Variants in MYO19 observed in about 807,000 individuals in gnomAD.
MYO19 encodes the protein unconventional myosin-XIX.
Under a neutral mutation model 129.2 loss-of-function variants are expected in MYO19, and 132 were observed. That is an observed-to-expected ratio of 1.02 (90% CI 0.89 to 1.18). The LOEUF is 1.18. Among genes scored for constraint, MYO19 ranks in the 50% most tolerant of loss-of-function variants. The pLI, the probability that MYO19 is intolerant of heterozygous loss-of-function variation, is 0.00. For missense variants in MYO19, 1,210 were observed against 1,216.7 expected (o/e 0.99, Z 0.08); for synonymous variants, 531 against 477.2 (o/e 1.11, Z -1.47).
At position 36,507,409 on chromosome 17, in the gene MYO19, A is replaced by T; in HGVS notation, c.1457T>A (p.Leu486His). 6.2e-7 allele frequency: 1 copy of T among 1,613,378 alleles called. No individual in the cohort carries two copies. The highest frequency in any genetic ancestry group is 8.5e-7 in the Non-Finnish European group (1 of 1,179,770). ...AGCTGACCTCCCCACCTCATTTATG[A>T]GGGAGCAGATGCTGATGGGGCTTCC... ...IEGSPISICS[L>H]INEECRLNRP... Residue 486 changes from leucine to histidine, a missense_variant, in exon 16 of 26, where the codon CTC becomes CAC. Coordinates refer to ENST00000614623, the MANE Select transcript of MYO19 (RefSeq NM_001163735.2).
intron 6 of MYO19, among the ~76,000 whole-genome samples, chr17:36,522,028 TA>T (rs370448301): frequency 1.2e-3 from 134 of 115,294 alleles, no homozygotes; most frequent in Admixed American, 2.3e-3. Flanking sequence ...AGACTGTCTT[TA>T]AAAAAAAAAA....
At chr17:36,538,753 C>A, upstream of MYO19, 1 of 763,584 alleles carries the variant, frequency 1.3e-6, no homozygotes. Flanking sequence ...AGCAGTGATG[C>A]TTAATTATTT....
chr17:36,542,433 C>T (rs1355481875), intron 1 of MYO19, among the ~76,000 whole-genome samples: 2 of 152,154 alleles, frequency 1.3e-5, no homozygotes, highest in African/African-American at 2.4e-5. Flanking sequence ...GGCACGTTGG[C>T]TCACGCCTGT....
At chr17:36,499,293 A>C (rs2071289610) in intron 23 of MYO19, 133 bp from the exon 24 acceptor site, 2 of 594,128 alleles carry the variant, frequency 3.4e-6, no homozygotes, top group Admixed American at 5.9e-5. Context: ...AAATTGCTAC[A>C]AATAAGGTTC....
At position 36,511,420 on chromosome 17, in the gene MYO19, C is replaced by G; in HGVS notation, c.930G>C (p.Gln310His). 1 of 1,570,852 alleles carries G rather than the reference C, an allele frequency of 6.4e-7. No individual in the cohort carries two copies. Among genetic ancestry groups the G allele is most frequent in the Non-Finnish European group, 8.6e-7 (1 of 1,158,260 alleles). ...GGGCTTCATCCTCGGAGGCAGCAAA[C>G]TGGATATTGCCAAGGTGCAGCAGTC... is the stretch of plus-strand genomic sequence containing the variant. ...LAGLLHLGNI[Q>H]FAASEDEAQP... Residue 310 changes from glutamine to histidine, a missense_variant, in exon 12 of 26, where the codon CAG becomes CAC. Physicochemically the swap from Gln to His is conservative, Grantham distance 24. Transcript: ENST00000614623.
chr17:36,498,671 C>G, intron 24 of MYO19, 112 bp from the exon 25 acceptor site: 8 of 1,299,560 alleles, frequency 6.2e-6, no homozygotes, highest in Non-Finnish European at 7.2e-6. Context: ...ACTGAAGGCA[C>G]CTGGTTGCAA....
upstream of MYO19, chr17:36,538,710 AT>A: frequency 3.9e-6 from 4 of 1,036,182 alleles, no homozygotes; most frequent in Middle Eastern, 3.3e-4. Context: ...TGTTAACCAT[AT>A]TTTATTATAA....
chr17:36,538,123 G>A, upstream of MYO19: 1 of 1,614,146 alleles, frequency 6.2e-7, no homozygotes, highest in Non-Finnish European at 8.5e-7. Flanking sequence ...AAAGTAGCCT[G>A]TTTTCTTTTA....
At chr17:36,526,042 C>A (rs76036786) in intron 5 of MYO19, among the ~76,000 whole-genome samples, 1 of 152,108 alleles carries the variant, frequency 6.6e-6, no homozygotes, top group South Asian at 2.1e-4. Flanking sequence ...GCTAACCCAG[C>A]CAGCAGTGAT....
chr17:36,507,600 C>T (rs72818342), intron 15 of MYO19, 88 bp from the exon 16 acceptor site: 74,532 of 1,412,864 alleles, frequency 0.053, 2,588 homozygotes, highest in East Asian at 0.15. Context: ...GGTACCACAG[C>T]GTATTCCAGA....
intron 2 of MYO19, among the ~76,000 whole-genome samples, chr17:36,532,994 C>A (rs548180047): frequency 6.6e-6 from 1 of 152,132 alleles, no homozygotes; most frequent in Non-Finnish European, 1.5e-5. Context: ...GCCCTATCCT[C>A]TACATTAGAC....
intron 13 of MYO19, among the ~76,000 whole-genome samples, 189 bp downstream of exon 13, chr17:36,510,557 C>T (rs1210760353): frequency 1.3e-5 from 2 of 152,222 alleles, no homozygotes; most frequent in Non-Finnish European, 2.9e-5. Flanking sequence ...AGGCCACAGA[C>T]GCTGCTTGGT....
At chr17:36,503,520 T>C (rs921077846) in intron 20 of MYO19, among the ~76,000 whole-genome samples, 1 of 152,196 alleles carries the variant, frequency 6.6e-6, no homozygotes, top group East Asian at 1.9e-4. Context: ...CCCCAAACAA[T>C]TGGACCAGTC....
intron 19 of MYO19, chr17:36,505,057 G>A: frequency 5.5e-6 from 4 of 731,392 alleles, no homozygotes; most frequent in South Asian, 2.7e-5. Context: ...AGGGTACATG[G>A]CTCAAAAAAA....
chr17:36,507,515 A>C lies in MYO19; in HGVS notation c.1354-3T>G, dbSNP rs893217442. On this transcript the variant is annotated splice_polypyrimidine_tract_variant and splice_region_variant and intron_variant, in intron 15 of 25. Coordinates refer to ENST00000614623, the MANE Select transcript of MYO19 (RefSeq NM_001163735.2). ...AGGCCCTCAACTGCGTATTCCTCCTAAAGAACAAGGTGGGATGAGGTGGGA... is the reference window on the plus strand; with the variant it reads ...AGGCCCTCAACTGCGTATTCCTCCTCAAGAACAAGGTGGGATGAGGTGGGA... 3 of 1,612,802 alleles carry C rather than the reference A, an allele frequency of 1.9e-6. No individual in the cohort carries two copies. Among genetic ancestry groups the C allele is most frequent in the Non-Finnish European group, 1.7e-6 (2 of 1,179,608 alleles).
At chr17:36,537,222 A>G (rs368614044), upstream of MYO19, 5 of 1,613,896 alleles carry the variant, frequency 3.1e-6, no homozygotes, top group African/African-American at 4.0e-5. Flanking sequence ...GTTCCTGATC[A>G]TTTTCTCACA....
chr17:36,507,309 G>C (rs2071979807), intron 16 of MYO19, 90 bp downstream of exon 16: 2 of 1,424,552 alleles, frequency 1.4e-6, no homozygotes, highest in South Asian at 1.2e-5. Flanking sequence ...TGGGAGGAGA[G>C]AGGCACAGAG....
chr17:36,524,588 T>C (rs1029355990), intron 6 of MYO19, among the ~76,000 whole-genome samples: 2 of 152,228 alleles, frequency 1.3e-5, no homozygotes, highest in South Asian at 2.1e-4. Flanking sequence ...GAAGGCCACG[T>C]GGCCATACCA....
Position 36,502,735 on chromosome 17 carries a change from C to G in MYO19, c.2080+362G>C, listed in dbSNP as rs531641536. On this transcript the variant is annotated intron_variant, in intron 21 of 25. Transcript: ENST00000614623. ...GCCTCAATGAACCAGCAACACAGAA[C>G]TGGCTGGAGTTCCTCATACCCACAC... The G allele has an allele frequency of 5.2e-4, 127 of 245,126 alleles. 4 individuals carry two copies. In the South Asian group the frequency reaches 8.9e-3, roughly 17 times the overall value. The allele number at this position is 245,126 out of a possible 1,614,324, so 15.2% of individuals were successfully genotyped here. A position where few individuals can be genotyped will look rare whatever the true frequency, so the allele number is the denominator to read the frequency against.
Sources: gnomAD v4.1 joint callset for allele counts (sites outside exome capture counted in the v4.1 genomes callset) on GRCh38, gnomAD v4.1.1 for gene constraint, MANE v1.5 for transcripts, NCBI Gene and HGNC (gene_info 2026-07-23, HGNC 2026-07-21) for gene names.